UNC79: variants seen among roughly 807,000 people sequenced by gnomAD.
UNC79 encodes the protein unc-79 subunit of NALCN channel complex, also known as protein unc-79 homolog.
In UNC79, 37 loss-of-function variants were observed where a neutral mutation model predicts 283.1. The observed-to-expected ratio is 0.13, with a 90% CI of 0.10 to 0.17. The LOEUF (loss-of-function observed/expected upper bound fraction) is 0.17, where lower values mean the gene tolerates loss of function less well. Among genes scored for constraint, UNC79 ranks in the 10% least tolerant of loss-of-function variants. The probability of loss-of-function intolerance (pLI) is 1.00; values close to 1 mark genes in which losing one functional copy is unlikely to be tolerated. For synonymous variants in UNC79, 1,107 were observed against 1,200.2 expected, an observed-to-expected ratio of 0.92 and a Z score of 1.61; for missense variants, 2,272 against 3,211.1, an observed-to-expected ratio of 0.71 and a Z score of 7.07.
intron 7 of UNC79, among the ~76,000 whole-genome samples, chr14:93,498,963 ATTTG>A (rs1312325401): frequency 6.6e-6 from 1 of 152,170 alleles, no homozygotes; most frequent in Admixed American, 6.5e-5. Flanking sequence ...GAATCTACTT[ATTTG>A]TTCACATTAT....
At chr14:93,593,752 G>T in exon 23 of UNC79, 1 of 1,614,058 alleles carries the variant, frequency 6.2e-7, no homozygotes, top group South Asian at 1.1e-5. Context: ...TCCATGCCCT[G>T]TCACTTCCTC....
intron 14 of UNC79, among the ~76,000 whole-genome samples, chr14:93,548,187 A>G (rs1595827782): frequency 6.6e-6 from 1 of 152,204 alleles, no homozygotes; most frequent in Non-Finnish European, 1.5e-5. Context: ...AGATCAAGGC[A>G]GATTTAGTGT....
chr14:93,480,091 T>C (rs1179088815), intron 4 of UNC79, among the ~76,000 whole-genome samples: 1 of 152,252 alleles, frequency 6.6e-6, no homozygotes, highest in East Asian at 1.9e-4. Context: ...CACTTAATTA[T>C]TAATTTCTAC....
chr14:93,473,396 A>G (rs1437166849), intron 2 of UNC79, among the ~76,000 whole-genome samples: 3 of 152,188 alleles, frequency 2.0e-5, no homozygotes, highest in Admixed American at 1.3e-4. Flanking sequence ...CATCAACTAT[A>G]TATTATTTTA....
chr14:93,622,708 G>T, exon 30 of UNC79: 2 of 1,614,192 alleles, frequency 1.2e-6, no homozygotes. Flanking sequence ...ATGGAGCTGA[G>T]GAATCCGAAT....
chr14:93,620,550 A>G (rs1046393975), intron 29 of UNC79, among the ~76,000 whole-genome samples: 2 of 152,194 alleles, frequency 1.3e-5, no homozygotes, highest in East Asian at 3.9e-4. Flanking sequence ...AAGCAGTGTC[A>G]CAGGCTCCTG....
At chr14:93,508,839 A>G (rs952309263) in intron 7 of UNC79, among the ~76,000 whole-genome samples, 3 of 152,176 alleles carry the variant, frequency 2.0e-5, no homozygotes, top group Admixed American at 6.5e-5. Flanking sequence ...TCAAATCTTT[A>G]TATCACTTAT....
chr14:93,522,099 G>A (rs1223804909), intron 7 of UNC79, among the ~76,000 whole-genome samples: 1 of 151,808 alleles, frequency 6.6e-6, no homozygotes, highest in Admixed American at 6.6e-5. Context: ...CAAAATTAAA[G>A]CAGTAGGACC....
intron 1 of UNC79, among the ~76,000 whole-genome samples, chr14:93,459,243 G>A (rs2056877928): frequency 6.6e-6 from 1 of 152,172 alleles, no homozygotes; most frequent in African/African-American, 2.4e-5. Context: ...CAAAGTGCTG[G>A]GATTACAGGC....
intron 1 of UNC79, among the ~76,000 whole-genome samples, chr14:93,346,034 G>T (rs1228965494): frequency 6.6e-6 from 1 of 151,128 alleles, no homozygotes; most frequent in East Asian, 1.9e-4. Flanking sequence ...CAATGATTTT[G>T]AGCCCAGAGT....
rs2075067760 is a variant in UNC79 at position 93,695,890 on chromosome 14, C to CAAAAAACAAAAAAAAAAAAAA, written c.7548+1484_7548+1485insCAAAAAAAAAAAAAAAAAAAA. Among the ~76,000 whole-genome samples the CAAAAAACAAAAAAAAAAAAAA allele has an allele frequency of 5.1e-4, 20 of 39,440 alleles. 1 individual carries two copies. Among genetic ancestry groups the CAAAAAACAAAAAAAAAAAAAA allele is most frequent in the Admixed American group, 3.6e-4 (1 of 2,796 alleles). The allele number at this position is 39,440 out of a possible 152,430, so 25.9% of individuals were successfully genotyped here. ...TGGGCAACAGGATGAGACTTTGTCT[C>CAAAAAACAAAAAAAAAAAAAA]AAAAAAAAAAAAAAAAAAAAGCAAA... is the stretch of plus-strand genomic sequence containing the variant. On this transcript the variant is annotated intron_variant, in intron 47 of 48. Coordinates refer to ENST00000555664, the Ensembl canonical transcript of UNC79.
intron 40 of UNC79, among the ~76,000 whole-genome samples, chr14:93,667,839 A>C (rs1368815003): frequency 6.6e-6 from 1 of 152,246 alleles, no homozygotes; most frequent in African/African-American, 2.4e-5. Flanking sequence ...AAATGTCTCA[A>C]AATATAAAAA....
At chr14:93,397,602 C>T (rs1049670741) in intron 1 of UNC79, among the ~76,000 whole-genome samples, 3 of 152,110 alleles carry the variant, frequency 2.0e-5, no homozygotes, top group Non-Finnish European at 2.9e-5. Flanking sequence ...ATCCTAGCTA[C>T]TTGGGAGGCT....
At chr14:93,704,502 A>G in intron 47 of UNC79, 123 bp from the exon 51 acceptor site, 1 of 1,109,204 alleles carries the variant, frequency 9.0e-7, no homozygotes, top group Non-Finnish European at 1.4e-6. Context: ...GCCCTGCAGC[A>G]GGGCCCACAT....
chr14:93,470,368 G>T (rs1011912648), intron 2 of UNC79, among the ~76,000 whole-genome samples: 2 of 152,274 alleles, frequency 1.3e-5, no homozygotes, highest in Non-Finnish European at 2.9e-5. Flanking sequence ...TTGTAGGAGG[G>T]GAGAGATTGT....
chr14:93,534,981 TA>T (rs1279059300), intron 11 of UNC79, among the ~76,000 whole-genome samples: 2 of 152,262 alleles, frequency 1.3e-5, no homozygotes, highest in Non-Finnish European at 2.9e-5. Flanking sequence ...GTTTGTATTC[TA>T]CCTCTTTGTA....
At chr14:93,575,744 T>G (rs1438474587) in intron 17 of UNC79, among the ~76,000 whole-genome samples, 2 of 152,194 alleles carry the variant, frequency 1.3e-5, no homozygotes, top group Non-Finnish European at 2.9e-5. Context: ...TTTGGTTATT[T>G]TTCTATGGAG....
chr14:93,459,135 G>A (rs2056872780), intron 1 of UNC79, among the ~76,000 whole-genome samples: 1 of 152,218 alleles, frequency 6.6e-6, no homozygotes, highest in Admixed American at 6.5e-5. Flanking sequence ...GAGATTACAG[G>A]TGGGTGCCAC....
At chr14:93,615,747 A>G (rs1264263853) in intron 27 of UNC79, among the ~76,000 whole-genome samples, 1 of 140,642 alleles carries the variant, frequency 7.1e-6, no homozygotes, top group Non-Finnish European at 1.5e-5. Flanking sequence ...AAAAAAAAAG[A>G]AAAGAAGAAA....
Sources: allele counts gnomAD v4.1 joint callset (sites outside exome capture counted in the v4.1 genomes callset), GRCh38; gene constraint gnomAD v4.1.1; transcripts MANE v1.5; gene names NCBI Gene and HGNC (gene_info 2026-07-23, HGNC 2026-07-21).